IL1RAP: variants seen among roughly 807,000 people sequenced by gnomAD.
IL1RAP encodes interleukin 1 receptor accessory protein, also known as interleukin-1 receptor accessory protein.
In IL1RAP, 35 loss-of-function variants were observed where a neutral mutation model predicts 60.7. The observed-to-expected ratio is 0.58, with a 90% CI of 0.44 to 0.76. IL1RAP has a LOEUF of 0.76. Ranked by LOEUF, IL1RAP falls within the 30% of genes least tolerant of loss-of-function variation. The pLI is 0.00. For synonymous variants in IL1RAP, 268 were observed against 250.9 expected (o/e 1.07, Z -0.64); for missense variants, 572 against 693.9 (o/e 0.82, Z 1.97).
In IL1RAP at chr3:190,639,977, G is replaced by A. The variant is rs116768589; in HGVS notation, c.1052-4271G>A. Among the ~76,000 whole-genome samples, 1,036 of 152,282 alleles carry A rather than the reference G, an allele frequency of 6.8e-3. 8 individuals are homozygous for A. The highest frequency in any genetic ancestry group is 0.023 in the African/African-American group (974 of 41,562). ...TGCTCCTAGAGTTGATCTGTTCCCA[G>A]CTATTCTTTGCCTAACCTTTTAAAG... On this transcript the variant is annotated intron_variant, in intron 9 of 11. Transcript: ENST00000447382.
Position 190,623,392 on chromosome 3 carries a change from A to T in IL1RAP, c.752A>T (p.His251Leu), listed in dbSNP as rs1648768350. 2 of 1,613,054 alleles carry T rather than the reference A, an allele frequency of 1.2e-6. No individual in the cohort carries two copies. The highest frequency in any genetic ancestry group is 1.1e-5 in the South Asian group (1 of 91,058). Residue 251 changes from histidine (H) to leucine (L), a missense_variant, in exon 7 of 12, where the codon CAT (histidine) becomes CTT (leucine). By Grantham distance (99) the His-to-Leu change is moderately conservative. Transcript: ENST00000447382. ...CCTGTGATCCATTCACCTAATGATCATGTGGTCTATGAGAAAGAACCAGGT... is the reference window on the plus strand; with the variant it reads ...CCTGTGATCCATTCACCTAATGATCTTGTGGTCTATGAGAAAGAACCAGGT... ...VPPVIHSPND[H>L]VVYEKEPGEE...
intron 3 of IL1RAP, among the ~76,000 whole-genome samples, chr3:190,566,662 C>T (rs1207349615): frequency 2.6e-5 from 4 of 152,160 alleles, no homozygotes; most frequent in African/African-American, 7.2e-5. Context: ...CCATCTGGCA[C>T]GTACTCATTT....
chr3:190,630,868 A>G (rs1732731272), intron 9 of IL1RAP, among the ~76,000 whole-genome samples: 3 of 152,164 alleles, frequency 2.0e-5, no homozygotes, highest in Non-Finnish European at 4.4e-5. Flanking sequence ...CTTATATTTA[A>G]AGTAGACACA....
intron 1 of IL1RAP, among the ~76,000 whole-genome samples, chr3:190,540,828 A>G (rs969384680): frequency 6.6e-6 from 1 of 152,152 alleles, no homozygotes; most frequent in Admixed American, 6.5e-5. Context: ...CAGGTAATCC[A>G]CTAAGAGATG....
At chr3:190,527,741 C>G (rs1722637480) in intron 1 of IL1RAP, among the ~76,000 whole-genome samples, 2 of 117,184 alleles carry the variant, frequency 1.7e-5, no homozygotes, top group African/African-American at 6.8e-5. Context: ...AAAGGTGTAA[C>G]TTTTATCCTT....
chr3:190,593,950 C>T (rs1285510849), intron 3 of IL1RAP, among the ~76,000 whole-genome samples: 3 of 151,996 alleles, frequency 2.0e-5, no homozygotes, highest in Non-Finnish European at 4.4e-5. Flanking sequence ...CATTGAGGAA[C>T]AAAAAGAATA....
chr3:190,597,900 C>T (rs1033838759), intron 3 of IL1RAP, among the ~76,000 whole-genome samples: 3 of 151,974 alleles, frequency 2.0e-5, no homozygotes, highest in African/African-American at 7.3e-5. Context: ...TAATTATTGC[C>T]CAGGGCTATA....
intron 6 of IL1RAP, 75 bp from the exon 7 acceptor site, chr3:190,623,269 T>C: frequency 8.8e-7 from 1 of 1,130,166 alleles, no homozygotes; most frequent in South Asian, 1.2e-5. Flanking sequence ...TTAGGCAAGA[T>C]TCAGAGAAGA....
rs776251137 is a variant in IL1RAP, at chr3:190,629,407, A to G, written c.960A>G (p.Lys320=). The G allele has an allele frequency of 3.1e-6, 5 of 1,613,826 alleles. No homozygotes were observed. In the South Asian group the frequency reaches 5.5e-5, roughly 18 times the overall value. The change falls in exon 9 of 12, where the codon AAA becomes AAG. Residue 320 remains lysine, a synonymous_variant. Coordinates refer to ENST00000447382, the MANE Select transcript of IL1RAP (RefSeq NM_002182.4). Reference sequence around the variant, plus strand: ...GAACTCAGATTTTGAGCATCAAGAAAGTTACCTCTGAGGATCTCAAGCGCA... The same window carrying G: ...GAACTCAGATTTTGAGCATCAAGAAGGTTACCTCTGAGGATCTCAAGCGCA... The part of the protein sequence containing the change: ...ETRTQILSIK[K]VTSEDLKRSY...
downstream of IL1RAP, among the ~76,000 whole-genome samples, chr3:190,652,816 G>A (rs1001915395): frequency 6.6e-6 from 1 of 152,168 alleles, no homozygotes; most frequent in Non-Finnish European, 1.5e-5. Flanking sequence ...AACCCTGAAC[G>A]TGTTAAGTGA....
chr3:190,644,521 A>G, intron 10 of IL1RAP, 124 bp downstream of exon 10: 1 of 716,740 alleles, frequency 1.4e-6, no homozygotes, highest in Non-Finnish European at 2.3e-6. Context: ...ATTTAAGCAG[A>G]TTAACTTTAA....
chr3:190,594,780 C>T (rs1729240853), intron 3 of IL1RAP, among the ~76,000 whole-genome samples: 1 of 152,180 alleles, frequency 6.6e-6, no homozygotes. Context: ...CCAAAGATCA[C>T]AGAAAAATTA....
At chr3:190,607,882 T>C (rs1730479903) in intron 4 of IL1RAP, among the ~76,000 whole-genome samples, 1 of 152,210 alleles carries the variant, frequency 6.6e-6, no homozygotes, top group Non-Finnish European at 1.5e-5. Flanking sequence ...ATGGGCCATT[T>C]TGACTATTTG....
chr3:190,652,268 C>G (rs1734437724), downstream of IL1RAP, among the ~76,000 whole-genome samples: 2 of 151,848 alleles, frequency 1.3e-5, no homozygotes, highest in South Asian at 2.1e-4. Flanking sequence ...TCGAGACCAT[C>G]CTGGCCAACA....
At chr3:190,629,004 C>T (rs1415491361) in intron 8 of IL1RAP, among the ~76,000 whole-genome samples, 1 of 152,104 alleles carries the variant, frequency 6.6e-6, no homozygotes, top group Non-Finnish European at 1.5e-5. Context: ...GATAAAAACC[C>T]AAAAGGACCT....
Position 190,650,663 on chromosome 3 carries a change from C to A in IL1RAP, c.*1958C>A. 1 of 930,992 alleles carries A rather than the reference C, an allele frequency of 1.1e-6. No individual in the cohort carries two copies. Among genetic ancestry groups the A allele is most frequent in the Non-Finnish European group, 1.3e-6 (1 of 780,498 alleles). 57.7% of individuals were successfully genotyped at this position (930,992 alleles called of 1,614,324 possible). On this transcript the variant is annotated 3_prime_UTR_variant, in exon 12 of 12. Transcript: ENST00000447382. ...GATTATTTTAAATTGAAAAAAGTTT[C>A]ACTTGGATGAAAAAAGTAGAAAAGT...
At chr3:190,585,104 C>T (rs1284922574) in intron 3 of IL1RAP, among the ~76,000 whole-genome samples, 2 of 152,078 alleles carry the variant, frequency 1.3e-5, no homozygotes, top group Non-Finnish European at 2.9e-5. Context: ...CTTTGAGGCC[C>T]CGAAGAGAGA....
intron 3 of IL1RAP, among the ~76,000 whole-genome samples, chr3:190,589,516 G>A (rs1728760400): frequency 6.6e-6 from 1 of 152,140 alleles, no homozygotes; most frequent in African/African-American, 2.4e-5. Flanking sequence ...TAAACACAGT[G>A]GCAGGATTGT....
At chr3:190,612,932 A>T (rs1423042996) in intron 5 of IL1RAP, among the ~76,000 whole-genome samples, 1 of 152,124 alleles carries the variant, frequency 6.6e-6, no homozygotes, top group Non-Finnish European at 1.5e-5. Flanking sequence ...CTGAAGATTA[A>T]CTGTGATCAG....
Sources: gnomAD v4.1 joint callset for allele counts (sites outside exome capture counted in the v4.1 genomes callset) on GRCh38, gnomAD v4.1.1 for gene constraint, MANE v1.5 for transcripts, NCBI Gene and HGNC (gene_info 2026-07-23, HGNC 2026-07-21) for gene names.